Variants in MUSK observed in about 807,000 individuals in gnomAD.
MUSK encodes muscle associated receptor tyrosine kinase.
Under a neutral mutation model 88.7 loss-of-function variants are expected in MUSK, and 55 were observed. The observed-to-expected ratio is 0.62, with a 90% CI of 0.50 to 0.78. MUSK has a LOEUF of 0.78. MUSK is among the 30% of genes least tolerant of loss of function. The pLI is 0.00. For synonymous variants in MUSK, 387 were observed against 391.9 expected (o/e 0.99, Z 0.15); for missense variants, 1,015 against 1,074.3 (o/e 0.94, Z 0.77).
At position 110,801,163 on chromosome 9, in the gene MUSK, G is replaced by A. The variant is rs760617744; in HGVS notation, c.*175G>A. On this transcript the variant is annotated 3_prime_UTR_variant, in exon 15 of 15. Transcript: ENST00000374448. ...ACAGTGCAAAACCCATGTGGTAGACGGACCCATTGAAAGCCAGTGATTGGA... is the reference window on the plus strand; with the variant it reads ...ACAGTGCAAAACCCATGTGGTAGACAGACCCATTGAAAGCCAGTGATTGGA... The A allele has an allele frequency of 8.4e-5, 42 of 497,130 alleles. No individual in the cohort carries two copies. The highest frequency in any genetic ancestry group is 3.3e-4 in the African/African-American group (17 of 52,064). 30.8% of individuals were successfully genotyped at this position (497,130 alleles called of 1,614,324 possible). A position where few individuals can be genotyped will look rare whatever the true frequency, so the allele number is the denominator to read the frequency against.
chr9:110,783,883 T>C (rs1288346291), intron 11 of MUSK, among the ~76,000 whole-genome samples: 2 of 152,186 alleles, frequency 1.3e-5, no homozygotes, highest in Middle Eastern at 3.5e-3. Flanking sequence ...GGCTTGTGTC[T>C]AATCTATAAC....
In MUSK at chr9:110,803,371, C is replaced by T. The variant is rs866876068; in HGVS notation, c.*2383C>T. Among the ~76,000 whole-genome samples, 5 of 152,162 alleles carry T rather than the reference C, an allele frequency of 3.3e-5. No homozygotes were observed. Among genetic ancestry groups the T allele is most frequent in the African/African-American group, 7.2e-5 (3 of 41,444 alleles). ...TCGCCCAGGCTGGAGTGCAGTGGCA[C>T]GATCTTGGCTCACTGCAAGCTCAGC... On this transcript the variant is annotated 3_prime_UTR_variant, in exon 15 of 15. Transcript: ENST00000374448.
In MUSK at chr9:110,804,775, C is replaced by T. The variant is rs2078141627; in HGVS notation, c.*3787C>T. Among the ~76,000 whole-genome samples the T allele has an allele frequency of 6.6e-6, 1 of 151,302 alleles. No homozygotes were observed. Among genetic ancestry groups the T allele is most frequent in the Non-Finnish European group, 1.5e-5 (1 of 67,692 alleles). On this transcript the variant is annotated 3_prime_UTR_variant, in exon 15 of 15. Coordinates refer to ENST00000374448, the MANE Select transcript of MUSK (RefSeq NM_005592.4). ...CAATAATATGTATAATCATAATAGA[C>T]AATAATAAAAATGAAAAAACACCAA...
At position 110,801,723 on chromosome 9, in the gene MUSK, A is replaced by C. The variant is rs994554066; in HGVS notation, c.*735A>C. On this transcript the variant is annotated 3_prime_UTR_variant, in exon 15 of 15. Transcript: ENST00000374448. Reference sequence around the variant, plus strand: ...TTATTCCTCCAGTTTTCTTGAAACAAGTTTTTGTATCTTACTGATTTACCT... The same window carrying C: ...TTATTCCTCCAGTTTTCTTGAAACACGTTTTTGTATCTTACTGATTTACCT... 2 of 152,152 alleles carry C rather than the reference A, an allele frequency of 1.3e-5. No homozygotes were observed. The highest frequency in any genetic ancestry group is 2.9e-5 in the Non-Finnish European group (2 of 68,028). The allele number at this position is 152,152 out of a possible 1,614,324, so 9.4% of individuals were successfully genotyped here.
chr9:110,768,030 C>T lies in MUSK; in HGVS notation c.1131C>T (p.His377=). The change falls in exon 9 of 15, where the codon CAC becomes CAT. Residue 377 remains histidine (H), a synonymous_variant. Transcript: ENST00000374448. ...RPAAEALLCN[H]IFQECSPGVV... is the part of the protein sequence containing the mutation. ...CTGCTGAGGCTTTGTTGTGTAACCACATCTTCCAGGAGTGCAGTCCTGGAG... is the reference window on the plus strand; with the variant it reads ...CTGCTGAGGCTTTGTTGTGTAACCATATCTTCCAGGAGTGCAGTCCTGGAG... 1 of 1,614,008 alleles carries T rather than the reference C, an allele frequency of 6.2e-7. No homozygotes were observed. The highest frequency in any genetic ancestry group is 1.3e-5 in the African/African-American group (1 of 75,058).
intron 5 of MUSK, among the ~76,000 whole-genome samples, chr9:110,703,729 G>A (rs967854077): frequency 2.0e-5 from 3 of 152,006 alleles, no homozygotes; most frequent in African/African-American, 7.2e-5. Context: ...GATTTTGAAA[G>A]CATAGAAAAG....
At chr9:110,755,469 T>G (rs926601602) in intron 7 of MUSK, among the ~76,000 whole-genome samples, 1 of 152,124 alleles carries the variant, frequency 6.6e-6, no homozygotes, top group African/African-American at 2.4e-5. Context: ...AATGGTGTTT[T>G]CTCCAACCAA....
intron 8 of MUSK, among the ~76,000 whole-genome samples, chr9:110,764,070 T>A (rs893982080): frequency 3.3e-5 from 5 of 152,208 alleles, no homozygotes; most frequent in African/African-American, 1.2e-4. Flanking sequence ...GAGTTTATAT[T>A]GTAAGGAGGC....
intron 5 of MUSK, among the ~76,000 whole-genome samples, chr9:110,719,417 C>T (rs557493981): frequency 9.9e-5 from 15 of 152,024 alleles, no homozygotes; most frequent in African/African-American, 3.6e-4. Context: ...AAACAGACAC[C>T]AAAAGCGAGC....
At chr9:110,777,576 A>T (rs970827081) in intron 11 of MUSK, among the ~76,000 whole-genome samples, 1 of 152,102 alleles carries the variant, frequency 6.6e-6, no homozygotes, top group African/African-American at 2.4e-5. Context: ...ATAAAAAAAA[A>T]TTTCAATTCT....
rs1217825247 is a variant in MUSK, at chr9:110,775,811, A to T, written c.1208A>T (p.Glu403Val). The change falls in exon 10 of 15, where the codon GAG becomes GTG. Residue 403 changes from glutamate to valine, a missense_variant. Coordinates refer to ENST00000374448, the MANE Select transcript of MUSK (RefSeq NM_005592.4). Reference sequence around the variant, plus strand: ...AGAGAGTACTGCTTGGCAGTAAAGGAGCTCTTCTGCGCAAAAGAATGGCTG... The same window carrying T: ...AGAGAGTACTGCTTGGCAGTAAAGGTGCTCTTCTGCGCAAAAGAATGGCTG... Reference protein sequence around the residue: ...ICREYCLAVKELFCAKEWLVM... With the variant: ...ICREYCLAVKVLFCAKEWLVM... The T allele has an allele frequency of 9.3e-6, 15 of 1,613,876 alleles. No homozygotes were observed. Among genetic ancestry groups the T allele is most frequent in the Non-Finnish European group, 1.1e-5 (13 of 1,179,824 alleles).
chr9:110,771,576 A>G (rs2077575973), intron 9 of MUSK, among the ~76,000 whole-genome samples: 1 of 152,142 alleles, frequency 6.6e-6, no homozygotes, highest in Admixed American at 6.5e-5. Flanking sequence ...TACATGTAAC[A>G]GTGGTTTGTT....
rs939383277 is a variant in MUSK at position 110,803,022 on chromosome 9, G to T, written c.*2034G>T. Among the ~76,000 whole-genome samples, 1 of 152,218 alleles carries T rather than the reference G, an allele frequency of 6.6e-6. No individual in the cohort carries two copies. The highest frequency in any genetic ancestry group is 2.4e-5 in the African/African-American group (1 of 41,454). On this transcript the variant is annotated 3_prime_UTR_variant, in exon 15 of 15. Coordinates refer to ENST00000374448, the MANE Select transcript of MUSK (RefSeq NM_005592.4). The stretch of plus-strand genomic sequence containing the variant: ...TTGGAGAGGGCCACCAGCAAGTCTA[G>T]AACTTGAGCATAGATATCCATGGCT...
chr9:110,674,864 G>A (rs2076004263), intron 1 of MUSK, among the ~76,000 whole-genome samples: 2 of 151,858 alleles, frequency 1.3e-5, no homozygotes, highest in South Asian at 2.1e-4. Flanking sequence ...CTCCCACCTC[G>A]GCCTCAAAAG....
At chr9:110,726,331 A>G (rs2076883446) in intron 5 of MUSK, among the ~76,000 whole-genome samples, 1 of 152,074 alleles carries the variant, frequency 6.6e-6, no homozygotes, top group South Asian at 2.1e-4. Flanking sequence ...CACTGCTTCC[A>G]ATCCCAAATA....
intron 2 of MUSK, among the ~76,000 whole-genome samples, chr9:110,683,554 A>T (rs749673721): frequency 2.6e-5 from 4 of 152,152 alleles, no homozygotes; most frequent in Admixed American, 6.6e-5. Flanking sequence ...AGGAAACTTC[A>T]AACTATTCTC....
intron 14 of MUSK, among the ~76,000 whole-genome samples, chr9:110,791,229 AGTGGGCGCAGGCCAGTGT>A (rs2077970051): frequency 6.9e-6 from 1 of 144,384 alleles, no homozygotes; most frequent in African/African-American, 2.6e-5. Context: ...AGTGCCAGAC[AGTGGGCGCAGGCCAGTGT>A]GTGTGCGCAC....
Position 110,775,953 on chromosome 9 carries a change from G to A in MUSK, c.1350G>A (p.Leu450=). 6.2e-7 allele frequency: 1 copy of A among 1,611,976 alleles called. No homozygotes were observed. Among genetic ancestry groups the A allele is most frequent in the Non-Finnish European group, 8.5e-7 (1 of 1,178,692 alleles). Residue 450 remains leucine, a synonymous_variant, in exon 10 of 15, where the codon CTG becomes CTA. Transcript: ENST00000374448. ...MHWDPTACAR[L]PHLDYNKENL... ...GGGACCCCACGGCCTGTGCCAGACTGCCACATCTAGGTAACACAGAGTTCT... is the reference window on the plus strand; with the variant it reads ...GGGACCCCACGGCCTGTGCCAGACTACCACATCTAGGTAACACAGAGTTCT...
At chr9:110,750,803 T>G (rs558115210) in intron 7 of MUSK, among the ~76,000 whole-genome samples, 1 of 152,344 alleles carries the variant, frequency 6.6e-6, no homozygotes, top group East Asian at 1.9e-4. Flanking sequence ...ACTTATAGCA[T>G]CCTAAATAAG....
Sources: gnomAD v4.1 joint callset for allele counts (sites outside exome capture counted in the v4.1 genomes callset) on GRCh38, gnomAD v4.1.1 for gene constraint, MANE v1.5 for transcripts, NCBI Gene and HGNC (gene_info 2026-07-23, HGNC 2026-07-21) for gene names.